The following INSC variants were observed in gnomAD, a reference collection of about 807,000 sequenced individuals.
The protein encoded by INSC is protein inscuteable homolog.
A neutral mutation model predicts 58.6 loss-of-function variants in INSC; 67 were observed. The observed-to-expected ratio is 1.14, with a 90% confidence interval of 0.94 to 1.40. The LOEUF (loss-of-function observed/expected upper bound fraction) is 1.40. INSC is among the 40% of genes most tolerant of loss of function. The pLI is 0.00. For missense variants in INSC, 714 were observed against 692.0 expected (o/e 1.03, Z -0.36); for synonymous variants, 262 against 276.1 (o/e 0.95, Z 0.51).
the INSC span, among the ~76,000 whole-genome samples, chr11:15,253,739 C>A: frequency 2.6e-5 from 4 of 151,764 alleles, no homozygotes; most frequent in Admixed American, 1.3e-4. Context: ...ACAGTTAAAG[C>A]CCATAGCAGG....
Position 15,246,079 on chromosome 11 carries a change from C to G in INSC, c.*39C>G. On this transcript the variant is annotated 3_prime_UTR_variant, in exon 13 of 13. Coordinates refer to ENST00000379556, the MANE Select transcript of INSC (RefSeq NM_001042536.3). ...AGAAATACATTTGGCTGTTCTCACA[C>G]CCCCTCTGACTATGCACCAGTGAAC... The G allele has an allele frequency of 6.2e-7, 1 of 1,611,666 alleles. No individual in the cohort carries two copies. The highest frequency in any genetic ancestry group is 8.5e-7 in the Non-Finnish European group (1 of 1,178,204).
intron 2 of INSC, among the ~76,000 whole-genome samples, chr11:15,170,070 TC>T (rs1383748614): frequency 6.6e-6 from 1 of 152,234 alleles, no homozygotes; most frequent in African/African-American, 2.4e-5. Context: ...ATACTTTAAA[TC>T]ATCTCTAGAT....
rs573072821 is a variant in INSC, at chr11:15,121,017, C to G, written c.-46+6014C>G. Among the ~76,000 whole-genome samples the G allele has an allele frequency of 2.5e-4, 38 of 150,430 alleles. 1 individual carries two copies. In the South Asian group the frequency reaches 7.5e-3, roughly 30 times the overall value. ...TTTATTGTTTATATAACATATTTCA[C>G]TGTATATTTTTATAATATATTTATT... On this transcript the variant is annotated intron_variant, in intron 1 of 12. Transcript: ENST00000379556.
At chr11:15,211,164 G>A (rs930591380) in intron 7 of INSC, among the ~76,000 whole-genome samples, 6 of 152,152 alleles carry the variant, frequency 3.9e-5, no homozygotes, top group African/African-American at 1.4e-4. Flanking sequence ...TCTCTCTTTG[G>A]GCTACTTCAA....
rs185647412 is a variant in INSC, at chr11:15,162,388, G to C, written c.56+13158G>C. Among the ~76,000 whole-genome samples, 300 of 152,248 alleles carry C rather than the reference G, an allele frequency of 2.0e-3. 2 individuals carry two copies. The highest frequency in any genetic ancestry group is 6.6e-3 in the African/African-American group (274 of 41,540). On this transcript the variant is annotated intron_variant, in intron 2 of 12. Coordinates refer to ENST00000379556, the MANE Select transcript of INSC (RefSeq NM_001042536.3). ...TGCAATGGTCAGTACCCATATTTCA[G>C]CTAATTCTTTCACCTCTTTGAAGTG...
At chr11:15,137,687 A>C (rs73414691) in intron 1 of INSC, among the ~76,000 whole-genome samples, 7,353 of 152,144 alleles carry the variant, frequency 0.048, 350 homozygotes, top group African/African-American at 0.13. Context: ...ATTGTTAGGG[A>C]CTTGCTGTAG....
At chr11:15,222,721 T>TAGA (rs1851492801) in intron 8 of INSC, among the ~76,000 whole-genome samples, 1 of 152,202 alleles carries the variant, frequency 6.6e-6, no homozygotes, top group East Asian at 1.9e-4. Flanking sequence ...ACTTTGCACA[T>TAGA]AGAAGACATC....
chr11:15,121,113 G>A (rs191609853), intron 1 of INSC, among the ~76,000 whole-genome samples: 61 of 151,920 alleles, frequency 4.0e-4, no homozygotes, highest in African/African-American at 1.3e-3. Context: ...TTGGAGACAT[G>A]ATGCCTCTTT....
chr11:15,204,712 C>T (rs1210302787), intron 7 of INSC, among the ~76,000 whole-genome samples: 3 of 152,204 alleles, frequency 2.0e-5, no homozygotes, highest in East Asian at 1.9e-4. Flanking sequence ...ACCCACTCAC[C>T]GGGCATGGTT....
chr11:15,120,247 T>C (rs540621287), intron 1 of INSC, among the ~76,000 whole-genome samples: 1 of 152,360 alleles, frequency 6.6e-6, no homozygotes, highest in East Asian at 1.9e-4. Flanking sequence ...TGAGATCATT[T>C]GCTGTGCCAG....
intron 2 of INSC, among the ~76,000 whole-genome samples, chr11:15,173,072 A>G (rs925074776): frequency 6.6e-6 from 1 of 152,224 alleles, no homozygotes; most frequent in African/African-American, 2.4e-5. Context: ...AGAGTGTTGA[A>G]TGTTGCATTG....
intron 5 of INSC, among the ~76,000 whole-genome samples, chr11:15,189,229 T>C (rs960706772): frequency 3.9e-5 from 6 of 152,164 alleles, no homozygotes; most frequent in Admixed American, 2.0e-4. Context: ...CTGTACAAGA[T>C]CACAAAACTG....
intron 1 of INSC, among the ~76,000 whole-genome samples, chr11:15,115,601 C>T (rs1021801750): frequency 5.3e-5 from 8 of 152,156 alleles, no homozygotes; most frequent in African/African-American, 1.9e-4. Flanking sequence ...CTGGCTAGAC[C>T]AGGGTCAGGG....
intron 2 of INSC, among the ~76,000 whole-genome samples, chr11:15,166,180 CA>C (rs1849190344): frequency 6.6e-6 from 1 of 152,156 alleles, no homozygotes; most frequent in Non-Finnish European, 1.5e-5. Context: ...CATGTGGGGA[CA>C]GACACTTCTC....
At chr11:15,131,805 C>G (rs947887993) in intron 1 of INSC, among the ~76,000 whole-genome samples, 8 of 151,884 alleles carry the variant, frequency 5.3e-5, no homozygotes, top group Admixed American at 2.0e-4. Context: ...CTTTTGTGGC[C>G]TTTAACTTTA....
intron 5 of INSC, among the ~76,000 whole-genome samples, chr11:15,185,124 C>T (rs1226147710): frequency 1.3e-5 from 2 of 152,110 alleles, no homozygotes; most frequent in Non-Finnish European, 2.9e-5. Context: ...CAATTCTTTG[C>T]TTTTGTCAAT....
chr11:15,114,908 G>GC (rs1415613227), upstream of INSC: 26 of 984,992 alleles, frequency 2.6e-5, no homozygotes, highest in Admixed American at 5.5e-4. Flanking sequence ...CTCGGGCTGG[G>GC]CCGGCAGAGC....
At chr11:15,135,393 T>G (rs572670167) in intron 1 of INSC, among the ~76,000 whole-genome samples, 2 of 152,332 alleles carry the variant, frequency 1.3e-5, no homozygotes, top group South Asian at 4.1e-4. Context: ...ACCCCCTGTT[T>G]CCAAACATAA....
chr11:15,169,981 T>C (rs1849339221), intron 2 of INSC, among the ~76,000 whole-genome samples: 1 of 152,212 alleles, frequency 6.6e-6, no homozygotes, highest in African/African-American at 2.4e-5. Context: ...CTTCCCACAG[T>C]TACGAAAATG....
Sources: gnomAD v4.1 joint callset for allele counts (sites outside exome capture counted in the v4.1 genomes callset) on GRCh38, gnomAD v4.1.1 for gene constraint, MANE v1.5 for transcripts, NCBI Gene and HGNC (gene_info 2026-07-23, HGNC 2026-07-21) for gene names.